Variants in POLK observed in about 807,000 individuals in gnomAD.
The protein encoded by POLK is polymerase (DNA directed) kappa.
In POLK, 76 loss-of-function variants were observed where a neutral mutation model predicts 94.0. The ratio of observed to expected loss-of-function variants is 0.81; its 90% CI spans 0.67 to 0.98. The LOEUF (loss-of-function observed/expected upper bound fraction) is 0.98. POLK is among the 50% of genes least tolerant of loss of function. The pLI is 0.00. For missense variants in POLK, 954 were observed against 1,010.1 expected (o/e 0.94, Z 0.75); for synonymous variants, 349 against 325.4 (o/e 1.07, Z -0.78).
chr5:75,573,759 A>G (rs780922106), exon 5 of POLK: 5 of 1,610,322 alleles, frequency 3.1e-6, no homozygotes, highest in Non-Finnish European at 4.2e-6. Context: ...TTACCATGCA[A>G]GGAGATTTGG....
intron 11 of POLK, among the ~76,000 whole-genome samples, chr5:75,593,038 A>G (rs796891750): frequency 1.3e-5 from 2 of 152,234 alleles, no homozygotes; most frequent in South Asian, 4.1e-4. Context: ...CCTGGGCAAT[A>G]GAATGGGACC....
intron 4 of POLK, among the ~76,000 whole-genome samples, chr5:75,570,692 A>G (rs1771543254): frequency 6.6e-6 from 1 of 152,208 alleles, no homozygotes; most frequent in Non-Finnish European, 1.5e-5. Flanking sequence ...TGTGGCTGAA[A>G]GTGTGTTGGA....
At chr5:75,577,905 G>A (rs1316929660) in intron 6 of POLK, among the ~76,000 whole-genome samples, 3 of 151,878 alleles carry the variant, frequency 2.0e-5, no homozygotes, top group African/African-American at 4.8e-5. Flanking sequence ...ATCATTTCTC[G>A]ACACAGGCAC....
At chr5:75,511,007 C>T (rs539513461), upstream of POLK, 2 of 1,393,764 alleles carry the variant, frequency 1.4e-6, no homozygotes, top group African/African-American at 1.5e-5. Context: ...GCCTCGCACC[C>T]CGGCACGTTC....
At chr5:75,578,301 G>T (rs1004170736) in intron 6 of POLK, among the ~76,000 whole-genome samples, 1 of 151,986 alleles carries the variant, frequency 6.6e-6, no homozygotes, top group African/African-American at 2.4e-5. Flanking sequence ...GATTAGAGGC[G>T]CGTGCCACCA....
At chr5:75,579,387 T>TGAGATG (rs1274083559) in intron 6 of POLK, among the ~76,000 whole-genome samples, 19 of 151,996 alleles carry the variant, frequency 1.3e-4, no homozygotes, top group African/African-American at 4.3e-4. Flanking sequence ...TTTATTTTTT[T>TGAGATG]GAGATGGAGT....
intron 1 of POLK, among the ~76,000 whole-genome samples, chr5:75,540,961 A>G (rs1200749611): frequency 6.6e-6 from 1 of 152,138 alleles, no homozygotes; most frequent in Non-Finnish European, 1.5e-5. Flanking sequence ...TTTTTATAAA[A>G]TATGCAACTC....
At chr5:75,592,269 G>A (rs887250846) in intron 11 of POLK, among the ~76,000 whole-genome samples, 1 of 152,220 alleles carries the variant, frequency 6.6e-6, no homozygotes, top group Non-Finnish European at 1.5e-5. Context: ...CACACAATAA[G>A]TGTGAACTAT....
chr5:75,512,062 C>G (rs1409839061), intron 1 of POLK, 148 bp downstream of exon 1: 2 of 373,582 alleles, frequency 5.4e-6, no homozygotes, highest in Non-Finnish European at 4.9e-6. Context: ...GCTTGCGGGC[C>G]CAGACGTGAG....
intron 3 of POLK, among the ~76,000 whole-genome samples, chr5:75,568,001 C>T (rs1771370868): frequency 6.6e-6 from 1 of 152,028 alleles, no homozygotes; most frequent in African/African-American, 2.4e-5. Context: ...CACAGTAAGA[C>T]TAAGAAGGAA....
chr5:75,552,948 A>G (rs1033904010), intron 3 of POLK, among the ~76,000 whole-genome samples: 2 of 152,142 alleles, frequency 1.3e-5, no homozygotes, highest in Non-Finnish European at 2.9e-5. Context: ...CCACGGGATA[A>G]ATGTGGAATG....
chr5:75,569,092 AC>A (rs1231347705), intron 3 of POLK, among the ~76,000 whole-genome samples: 4 of 152,214 alleles, frequency 2.6e-5, no homozygotes, highest in African/African-American at 2.4e-5. Flanking sequence ...AATTTAAAAA[AC>A]AATACAATAT....
At chr5:75,604,438 A>G (rs1223735965), downstream of POLK, among the ~76,000 whole-genome samples, 4 of 152,238 alleles carry the variant, frequency 2.6e-5, no homozygotes, top group East Asian at 1.9e-4. Flanking sequence ...ATACATTGTC[A>G]TGATCATAAC....
intron 2 of POLK, among the ~76,000 whole-genome samples, chr5:75,549,243 A>G (rs963877240): frequency 4.6e-5 from 7 of 152,142 alleles, no homozygotes; most frequent in East Asian, 1.9e-4. Context: ...AGGTTACCCT[A>G]GATGTCCCTA....
chr5:75,541,528 TA>T (rs1352728197), intron 1 of POLK, among the ~76,000 whole-genome samples: 1 of 152,056 alleles, frequency 6.6e-6, no homozygotes. Flanking sequence ...ATTAAATGAA[TA>T]AAAAAAGGAG....
At chr5:75,514,631 A>G (rs1006554325) in intron 1 of POLK, among the ~76,000 whole-genome samples, 1 of 152,248 alleles carries the variant, frequency 6.6e-6, no homozygotes, top group African/African-American at 2.4e-5. Context: ...TCGCTAGTGA[A>G]TAGTCTAGTC....
At chr5:75,585,265 A>G (rs762110707) in intron 9 of POLK, among the ~76,000 whole-genome samples, 5 of 152,144 alleles carry the variant, frequency 3.3e-5, no homozygotes, top group Non-Finnish European at 7.4e-5. Flanking sequence ...TCCATAATTC[A>G]CCCTTTAAGG....
chr5:75,543,146 G>A lies in POLK; in HGVS notation c.-13-3864G>A, dbSNP rs765664482. 1.0e-4 allele frequency among the ~76,000 whole-genome samples: 15 copies of A among 150,398 alleles called. No homozygotes were observed. The South Asian group carries it at 1.3e-3, about 13-fold the overall frequency. On this transcript the variant is annotated intron_variant, in intron 1 of 14. Coordinates refer to ENST00000241436, the Ensembl canonical transcript of POLK. ...AAGCCTCTGCCTCCCAGGTTCAAGCGTTTCTCCTGTCTCAGCCTCCTGAGT... is the reference window on the plus strand; with the variant it reads ...AAGCCTCTGCCTCCCAGGTTCAAGCATTTCTCCTGTCTCAGCCTCCTGAGT...
chr5:75,563,060 T>C (rs919547504), intron 3 of POLK, among the ~76,000 whole-genome samples: 2 of 152,190 alleles, frequency 1.3e-5, no homozygotes, highest in African/African-American at 2.4e-5. Context: ...CTTTTTCTGT[T>C]GTTTGGAATA....
Sources: allele counts gnomAD v4.1 joint callset (sites outside exome capture counted in the v4.1 genomes callset), GRCh38; gene constraint gnomAD v4.1.1; transcripts MANE v1.5; gene names NCBI Gene and HGNC (gene_info 2026-07-23, HGNC 2026-07-21).